SIDT1: variants seen among roughly 807,000 people sequenced by gnomAD.
SIDT1 encodes SID1 transmembrane family, member 1.
SIDT1 carries 101 observed loss-of-function variants against 107.5 expected under a neutral mutation model. The observed-to-expected ratio is 0.94, with a 90% confidence interval of 0.80 to 1.11. The LOEUF is 1.11. SIDT1 is among the 50% of genes least tolerant of loss of function. The pLI, the probability that SIDT1 is intolerant of heterozygous loss-of-function variation, is 0.00. For synonymous variants in SIDT1, 395 were observed against 398.2 expected (o/e 0.99, Z 0.10); for missense variants, 1,076 against 1,058.2 (o/e 1.02, Z -0.23).
chr3:113,546,669 G>A (rs1373894804), intron 1 of SIDT1, among the ~76,000 whole-genome samples: 1 of 151,510 alleles, frequency 6.6e-6, no homozygotes, highest in Non-Finnish European at 1.5e-5. Flanking sequence ...CTTACTTTTG[G>A]TTTCAACTGT....
chr3:113,601,703 G>A, intron 11 of SIDT1, 44 bp downstream of exon 11: 1 of 1,422,730 alleles, frequency 7.0e-7, no homozygotes, highest in Non-Finnish European at 9.8e-7. Flanking sequence ...TCCTAATTCT[G>A]CAGAGAATAT....
chr3:113,565,941 T>C (rs1941861201), intron 1 of SIDT1, among the ~76,000 whole-genome samples: 1 of 152,150 alleles, frequency 6.6e-6, no homozygotes, highest in Non-Finnish European at 1.5e-5. Context: ...TTTGTGTGTG[T>C]TGTTTTATTT....
chr3:113,604,152 A>T (rs1945159856), intron 13 of SIDT1, 119 bp downstream of exon 13: 12 of 641,390 alleles, frequency 1.9e-5, no homozygotes, highest in Non-Finnish European at 2.3e-5. Flanking sequence ...ATAGGGAATG[A>T]TGTTACCAGC....
chr3:113,563,758 T>A (rs923163986), intron 1 of SIDT1, among the ~76,000 whole-genome samples: 2 of 152,064 alleles, frequency 1.3e-5, no homozygotes, highest in Admixed American at 6.6e-5. Context: ...TGGAAAAAAA[T>A]TTTGAAACAA....
intron 10 of SIDT1, among the ~76,000 whole-genome samples, chr3:113,593,879 T>C (rs922530474): frequency 6.6e-6 from 1 of 152,234 alleles, no homozygotes; most frequent in African/African-American, 2.4e-5. Flanking sequence ...AATTGTACTA[T>C]GCCTTTTCCT....
At chr3:113,605,079 G>T in intron 14 of SIDT1, 103 bp downstream of exon 14, 2 of 1,162,484 alleles carry the variant, frequency 1.7e-6, no homozygotes, top group South Asian at 1.3e-5. Context: ...GATCCATTCA[G>T]GAATTTCCCA....
chr3:113,544,771 CTCCCAG>C (rs1939385393), intron 1 of SIDT1, among the ~76,000 whole-genome samples: 1 of 152,152 alleles, frequency 6.6e-6, no homozygotes, highest in South Asian at 2.1e-4. Context: ...AAAATGGTTT[CTCCCAG>C]ATTTCTCCAC....
intron 1 of SIDT1, among the ~76,000 whole-genome samples, chr3:113,534,888 T>G (rs1937928800): frequency 6.6e-6 from 1 of 152,214 alleles, no homozygotes; most frequent in Admixed American, 6.5e-5. Flanking sequence ...ATCACCTGGT[T>G]GACTTCCCTA....
chr3:113,564,552 G>C (rs1353356318), intron 1 of SIDT1, among the ~76,000 whole-genome samples: 2 of 152,162 alleles, frequency 1.3e-5, no homozygotes, highest in Non-Finnish European at 2.9e-5. Context: ...GTGTCACTGG[G>C]GGCGGAGGGG....
At chr3:113,543,107 A>G (rs950620520) in intron 1 of SIDT1, among the ~76,000 whole-genome samples, 4 of 151,848 alleles carry the variant, frequency 2.6e-5, no homozygotes, top group Non-Finnish European at 5.9e-5. Context: ...TGCCCAGCTA[A>G]TTTTTGTATT....
intron 1 of SIDT1, among the ~76,000 whole-genome samples, chr3:113,534,758 T>C (rs1937910300): frequency 6.6e-6 from 1 of 152,252 alleles, no homozygotes; most frequent in Admixed American, 6.5e-5. Context: ...TTACATGTGC[T>C]AAGTAAATCC....
chr3:113,549,107 T>C (rs1218715352), intron 1 of SIDT1, among the ~76,000 whole-genome samples: 1 of 152,154 alleles, frequency 6.6e-6, no homozygotes, highest in Non-Finnish European at 1.5e-5. Context: ...TAATGCTGAG[T>C]AATATTTCAT....
chr3:113,552,868 A>G (rs1323947141), intron 1 of SIDT1, among the ~76,000 whole-genome samples: 3 of 152,140 alleles, frequency 2.0e-5, no homozygotes, highest in Admixed American at 1.3e-4. Context: ...AAATTCACAC[A>G]GTGGGTTGGA....
downstream of SIDT1, among the ~76,000 whole-genome samples, chr3:113,631,847 C>T (rs553466289): frequency 3.3e-5 from 5 of 152,244 alleles, no homozygotes; most frequent in South Asian, 2.1e-4. Context: ...AGATGGATAC[C>T]GTTGTTCACG....
intron 23 of SIDT1, among the ~76,000 whole-genome samples, chr3:113,624,803 G>A (rs2107846720): frequency 6.6e-6 from 1 of 151,904 alleles, no homozygotes; most frequent in African/African-American, 2.4e-5. Flanking sequence ...GTCATTTTGT[G>A]CTTCACTTAT....
At chr3:113,572,395 G>T (rs1942540521) in intron 3 of SIDT1, among the ~76,000 whole-genome samples, 1 of 152,186 alleles carries the variant, frequency 6.6e-6, no homozygotes, top group Non-Finnish European at 1.5e-5. Context: ...AGGGTTACAG[G>T]AGATAGGGCT....
chr3:113,623,798 A>G, intron 23 of SIDT1, 65 bp downstream of exon 23: 1 of 1,041,034 alleles, frequency 9.6e-7, no homozygotes, highest in Non-Finnish European at 1.5e-6. Flanking sequence ...TGGCCTTTCT[A>G]CCTCCCTCTC....
At chr3:113,599,912 T>C (rs1452165386) in intron 10 of SIDT1, among the ~76,000 whole-genome samples, 1 of 152,188 alleles carries the variant, frequency 6.6e-6, no homozygotes, top group African/African-American at 2.4e-5. Context: ...GAGGGAACTA[T>C]GGAAAGTGAT....
intron 17 of SIDT1, among the ~76,000 whole-genome samples, chr3:113,609,632 C>CA (rs1329131368): frequency 1.3e-5 from 2 of 152,174 alleles, no homozygotes; most frequent in Admixed American, 6.5e-5. Context: ...CGATGTCCTC[C>CA]ACTCTCAAGG....
Sources: gnomAD v4.1 joint callset for allele counts (sites outside exome capture counted in the v4.1 genomes callset) on GRCh38, gnomAD v4.1.1 for gene constraint, MANE v1.5 for transcripts, NCBI Gene and HGNC (gene_info 2026-07-23, HGNC 2026-07-21) for gene names.